Variants in VAV3 observed in about 807,000 individuals in gnomAD.
VAV3 encodes vav guanine nucleotide exchange factor 3, also known as guanine nucleotide exchange factor VAV3.
In VAV3, 94 loss-of-function variants were observed where a neutral mutation model predicts 131.2. The ratio of observed to expected loss-of-function variants is 0.72; its 90% CI spans 0.61 to 0.85. The LOEUF (loss-of-function observed/expected upper bound fraction) is 0.85, where lower values mean the gene tolerates loss of function less well. Ranked by LOEUF, VAV3 falls within the 40% of genes least tolerant of loss-of-function variation. The pLI, the probability that VAV3 is intolerant of heterozygous loss-of-function variation, is 0.00. For synonymous variants in VAV3, 349 were observed against 342.0 expected (o/e 1.02, Z -0.22); for missense variants, 939 against 1,002.7 (o/e 0.94, Z 0.86).
At chr1:107,585,041 T>G (rs1650372204) in intron 25 of VAV3, among the ~76,000 whole-genome samples, 1 of 152,194 alleles carries the variant, frequency 6.6e-6, no homozygotes, top group African/African-American at 2.4e-5. Context: ...ACAGAAATTA[T>G]GTAGAGATAT....
At chr1:107,694,625 G>T (rs1242248076) in intron 17 of VAV3, among the ~76,000 whole-genome samples, 1 of 152,136 alleles carries the variant, frequency 6.6e-6, no homozygotes, top group Non-Finnish European at 1.5e-5. Context: ...CCACAATCTA[G>T]TCAAGCTCTA....
chr1:107,609,860 C>T, intron 22 of VAV3, 71 bp downstream of exon 22: 3 of 1,484,740 alleles, frequency 2.0e-6, no homozygotes, highest in Non-Finnish European at 2.8e-6. Flanking sequence ...TTACTACCCC[C>T]ACATTTAAGG....
At chr1:107,631,258 A>G (rs969130075) in intron 20 of VAV3, among the ~76,000 whole-genome samples, 2 of 152,028 alleles carry the variant, frequency 1.3e-5, no homozygotes, top group African/African-American at 4.8e-5. Flanking sequence ...TGAGTATTAC[A>G]ATTTTATCAC....
rs1665114865 is a variant in VAV3, at chr1:107,772,665, AATT to A, written c.555+67_555+69del. On this transcript the variant is annotated intron_variant, in intron 5 of 26. Coordinates refer to ENST00000370056, the MANE Select transcript of VAV3 (RefSeq NM_006113.5). ...AAAAAATCCCAGCAGATGTTACATAAATTATTATGTTAATTAGCCTTTCCTAAT... is the reference window on the plus strand; with the variant it reads ...AAAAAATCCCAGCAGATGTTACATAAATTATGTTAATTAGCCTTTCCTAAT... The A allele has an allele frequency of 3.8e-6, 5 of 1,328,542 alleles. No homozygotes were observed. In the South Asian group the frequency reaches 3.9e-5, roughly 10 times the overall value. The allele number at this position is 1,328,542 out of a possible 1,614,324, so 82.3% of individuals were successfully genotyped here. A position where few individuals can be genotyped will look rare whatever the true frequency, so the allele number is the denominator to read the frequency against.
At chr1:107,627,637 A>G (rs1654127228) in intron 20 of VAV3, among the ~76,000 whole-genome samples, 1 of 152,200 alleles carries the variant, frequency 6.6e-6, no homozygotes, top group South Asian at 2.1e-4. Context: ...TCTCTTTTCA[A>G]GTTTACTTCC....
At chr1:107,765,500 T>C (rs1490569709) in intron 8 of VAV3, among the ~76,000 whole-genome samples, 1 of 152,238 alleles carries the variant, frequency 6.6e-6, no homozygotes, top group Non-Finnish European at 1.5e-5. Context: ...ATTAAAAATT[T>C]CTGTTAAAGC....
At chr1:107,680,698 C>G (rs920254416) in intron 19 of VAV3, among the ~76,000 whole-genome samples, 1 of 152,104 alleles carries the variant, frequency 6.6e-6, no homozygotes, top group African/African-American at 2.4e-5. Context: ...AGGAATGAGC[C>G]AACGCGCCTG....
rs543339806 is a variant in VAV3 at position 107,629,992 on chromosome 1, A to G, written c.1915-12360T>C. Among the ~76,000 whole-genome samples, 4 of 152,286 alleles carry G rather than the reference A, an allele frequency of 2.6e-5. No homozygotes were observed. In the South Asian group the frequency reaches 8.3e-4, roughly 32 times the overall value. ...CAGGTCAGAAAGCATAACTTCTCAA[A>G]AATTTCCAAATAAGCCAAAGCACCT... On this transcript the variant is annotated intron_variant, in intron 20 of 26. Transcript: ENST00000370056.
chr1:107,753,454 A>T (rs1663862097), intron 12 of VAV3, among the ~76,000 whole-genome samples: 2 of 149,218 alleles, frequency 1.3e-5, no homozygotes, highest in South Asian at 4.2e-4. Context: ...TATTTATAGC[A>T]TTAATGTGTG....
intron 1 of VAV3, among the ~76,000 whole-genome samples, chr1:107,946,268 C>A (rs937265992): frequency 2.0e-5 from 3 of 152,144 alleles, no homozygotes; most frequent in African/African-American, 7.2e-5. Flanking sequence ...ACTATAAACA[C>A]CCTGCAATAA....
intron 1 of VAV3, among the ~76,000 whole-genome samples, chr1:107,919,805 G>T (rs564846365): frequency 8.4e-4 from 128 of 151,908 alleles, no homozygotes; most frequent in Non-Finnish European, 1.6e-3. Flanking sequence ...AAACCATGTG[G>T]TATCTTAATA....
At chr1:107,605,386 ACTCTCT>A (rs1652185954) in intron 22 of VAV3, among the ~76,000 whole-genome samples, 1 of 151,834 alleles carries the variant, frequency 6.6e-6, no homozygotes, top group Admixed American at 6.6e-5. Flanking sequence ...TTCATCCACT[ACTCTCT>A]CTCTGTCTCT....
At chr1:107,806,561 T>C (rs1557858771) in intron 2 of VAV3, among the ~76,000 whole-genome samples, 2 of 152,162 alleles carry the variant, frequency 1.3e-5, no homozygotes, top group Non-Finnish European at 2.9e-5. Flanking sequence ...AGAACATACG[T>C]TGGAATATTT....
At chr1:107,644,502 C>T (rs1197612102) in intron 19 of VAV3, among the ~76,000 whole-genome samples, 3 of 152,088 alleles carry the variant, frequency 2.0e-5, no homozygotes, top group Non-Finnish European at 4.4e-5. Context: ...ATCTTTTAAA[C>T]CTCAAAGAGC....
intron 2 of VAV3, among the ~76,000 whole-genome samples, chr1:107,868,361 G>T (rs1158438967): frequency 1.2e-4 from 19 of 152,104 alleles, no homozygotes; most frequent in Admixed American, 1.2e-3. Flanking sequence ...AGATAATAAG[G>T]CTCTTTCAAG....
chr1:107,638,809 C>T (rs114805393), intron 20 of VAV3, among the ~76,000 whole-genome samples: 4,374 of 152,180 alleles, frequency 0.029, 224 homozygotes, highest in African/African-American at 0.1. Flanking sequence ...AAGACAGCAT[C>T]ACATTGGTAC....
chr1:107,760,846 T>C lies in VAV3; in HGVS notation c.955A>G (p.Thr319Ala). ...CSKRANNGKF[T>A]LRDLLVVPMQ... Reference sequence around the variant, plus strand: ...GGAACCACAAGCAAGTCTCGAAGAGTAAATTTCCCATTATTTGCTCTTTTG... The same window carrying C: ...GGAACCACAAGCAAGTCTCGAAGAGCAAATTTCCCATTATTTGCTCTTTTG... The change falls in exon 10 of 27, where the codon ACT becomes GCT. Residue 319 changes from threonine (T) to alanine (A), a missense_variant. Physicochemically the swap from Thr to Ala is moderately conservative, Grantham distance 58. Transcript: ENST00000370056. The C allele has an allele frequency of 6.2e-7, 1 of 1,613,580 alleles. No homozygotes were observed. The highest frequency in any genetic ancestry group is 8.5e-7 in the Non-Finnish European group (1 of 1,179,688).
chr1:107,818,316 T>A (rs1050911047), intron 2 of VAV3, among the ~76,000 whole-genome samples: 13 of 152,306 alleles, frequency 8.5e-5, no homozygotes, highest in African/African-American at 3.1e-4. Context: ...CTCTACTGTG[T>A]TCCCTCAGAT....
At chr1:107,854,907 G>A (rs1669398946) in intron 2 of VAV3, among the ~76,000 whole-genome samples, 1 of 152,172 alleles carries the variant, frequency 6.6e-6, no homozygotes, top group African/African-American at 2.4e-5. Flanking sequence ...ATCCCACAAT[G>A]GTGTTCCTGC....
Sources: gnomAD v4.1 joint callset for allele counts (sites outside exome capture counted in the v4.1 genomes callset) on GRCh38, gnomAD v4.1.1 for gene constraint, MANE v1.5 for transcripts, NCBI Gene and HGNC (gene_info 2026-07-23, HGNC 2026-07-21) for gene names.